SLC1A1: variants seen among roughly 807,000 people sequenced by gnomAD.
SLC1A1 encodes solute carrier family 1 member 1.
Under a neutral mutation model 53.3 loss-of-function variants are expected in SLC1A1, and 43 were observed. The observed-to-expected ratio is 0.81, with a 90% CI of 0.63 to 1.04. The LOEUF is 1.04. Among genes scored for constraint, SLC1A1 ranks in the 50% least tolerant of loss-of-function variants. The probability of loss-of-function intolerance (pLI) is 0.00; values close to 1 mark genes in which losing one functional copy is unlikely to be tolerated. For synonymous variants in SLC1A1, 307 were observed against 243.2 expected (o/e 1.26, Z -2.44); for missense variants, 748 against 664.9 (o/e 1.12, Z -1.37).
chr9:4,499,003 T>TATATTATATATATATAAGATTAC (rs1302981056), intron 1 of SLC1A1, among the ~76,000 whole-genome samples: 1 of 144,174 alleles, frequency 6.9e-6, no homozygotes, highest in African/African-American at 2.6e-5. Context: ...TATAAGATTA[T>TATATTATATATATATAAGATTAC]ATATTATATA....
intron 6 of SLC1A1, among the ~76,000 whole-genome samples, chr9:4,568,914 CAAT>C (rs1462547653): frequency 6.6e-6 from 1 of 152,072 alleles, no homozygotes; most frequent in Non-Finnish European, 1.5e-5. Context: ...ACACATACAA[CAAT>C]GTTATATATT....
intron 1 of SLC1A1, among the ~76,000 whole-genome samples, chr9:4,496,561 G>A (rs1003697954): frequency 6.6e-6 from 1 of 151,940 alleles, no homozygotes; most frequent in African/African-American, 2.4e-5. Context: ...TTTTTAAGGA[G>A]ACTTGAGTCT....
rs1053527348 is a variant in SLC1A1, at chr9:4,522,633, G to A, written c.92-21934G>A. Among the ~76,000 whole-genome samples the A allele has an allele frequency of 4.6e-5, 7 of 152,242 alleles. No individual in the cohort carries two copies. The South Asian group carries it at 6.2e-4, about 14-fold the overall frequency. On this transcript the variant is annotated intron_variant, in intron 1 of 11. Transcript: ENST00000262352. ...AGGTTTAAATAACTCAAAGTTCTGC[G>A]TGGCTGGGGAGGCCTCAGGAAACTT...
chr9:4,505,927 G>A (rs557798624), intron 1 of SLC1A1, among the ~76,000 whole-genome samples: 52 of 152,258 alleles, frequency 3.4e-4, no homozygotes, highest in African/African-American at 1.1e-3. Flanking sequence ...GAGTTCAAGC[G>A]ATTCTCCTGC....
rs547625849 is a variant in SLC1A1, at chr9:4,571,678, G to GAAAA, written c.583-523_583-520dup. Among the ~76,000 whole-genome samples, 55 of 91,570 alleles carry GAAAA rather than the reference G, an allele frequency of 6.0e-4. No homozygotes were observed. The East Asian group carries it at 6.5e-3, about 11-fold the overall frequency. The allele number at this position is 91,570 out of a possible 152,430, so 60.1% of individuals were successfully genotyped here. ...GGTAACAGAGCGAGACTCCATCTCA[G>GAAAA]AAAAAATAAATAAATAAATAAATAA... On this transcript the variant is annotated intron_variant, in intron 6 of 11. Coordinates refer to ENST00000262352, the MANE Select transcript of SLC1A1 (RefSeq NM_004170.6).
At chr9:4,532,331 T>A (rs1386626576) in intron 1 of SLC1A1, among the ~76,000 whole-genome samples, 1 of 151,814 alleles carries the variant, frequency 6.6e-6, no homozygotes, top group South Asian at 2.1e-4. Context: ...ATTAGACGAA[T>A]GGCTAACTAG....
rs1476922005 is a variant in SLC1A1, at chr9:4,585,510, A to T, written c.1527A>T (p.Ala509=). The T allele has an allele frequency of 9.3e-6, 15 of 1,614,120 alleles. No individual in the cohort carries two copies. Among genetic ancestry groups the T allele is most frequent in the Admixed American group, 1.7e-5 (1 of 60,010 alleles). Residue 509 remains alanine, a synonymous_variant, in exon 12 of 12, where the codon GCA becomes GCT. Coordinates refer to ENST00000262352, the MANE Select transcript of SLC1A1 (RefSeq NM_004170.6). Reference sequence around the variant, plus strand: ...AGTCTTATGTCAATGGAGGCTTTGCAGTAGACAAGTCTGACACCATCTCAT... The same window carrying T: ...AGTCTTATGTCAATGGAGGCTTTGCTGTAGACAAGTCTGACACCATCTCAT... The part of the protein sequence containing the change: ...TKKSYVNGGF[A]VDKSDTISFT...
At chr9:4,500,607 C>T (rs981828442) in intron 1 of SLC1A1, among the ~76,000 whole-genome samples, 3 of 152,060 alleles carry the variant, frequency 2.0e-5, no homozygotes, top group South Asian at 2.1e-4. Context: ...CACTGCACTG[C>T]GCCCAAGAAA....
intron 1 of SLC1A1, among the ~76,000 whole-genome samples, chr9:4,504,997 G>C (rs1586693744): frequency 6.6e-6 from 1 of 151,450 alleles, no homozygotes; most frequent in East Asian, 1.9e-4. Flanking sequence ...GTTTGGATTA[G>C]GTGGAGTTTC....
chr9:4,529,831 T>A (rs555630132), intron 1 of SLC1A1, among the ~76,000 whole-genome samples: 110 of 152,250 alleles, frequency 7.2e-4, no homozygotes, highest in Middle Eastern at 3.4e-3. Flanking sequence ...ATTTTTAAAA[T>A]ATATATATAC....
intron 1 of SLC1A1, among the ~76,000 whole-genome samples, chr9:4,531,546 C>T (rs1159377269): frequency 6.6e-6 from 1 of 152,146 alleles, no homozygotes; most frequent in Admixed American, 6.5e-5. Flanking sequence ...AGTAGGTAAA[C>T]AAAGCAGCCG....
At chr9:4,580,651 GTA>G in intron 10 of SLC1A1, among the ~76,000 whole-genome samples, 2 of 118,840 alleles carry the variant, frequency 1.7e-5, no homozygotes, top group South Asian at 5.6e-4. Context: ...GTGTGTGTGT[GTA>G]TAAGGAATAA....
chr9:4,561,917 T>C (rs1030556688), intron 3 of SLC1A1, among the ~76,000 whole-genome samples: 1 of 152,020 alleles, frequency 6.6e-6, no homozygotes, highest in African/African-American at 2.4e-5. Flanking sequence ...CTTTTTAAAA[T>C]ATGTATTTTT....
chr9:4,509,192 AG>A (rs1820908099), intron 1 of SLC1A1, among the ~76,000 whole-genome samples: 1 of 152,170 alleles, frequency 6.6e-6, no homozygotes, highest in African/African-American at 2.4e-5. Flanking sequence ...TAAACAAAAA[AG>A]CATGGAGCAT....
chr9:4,567,188 A>G (rs1819572009), intron 5 of SLC1A1, among the ~76,000 whole-genome samples: 1 of 152,270 alleles, frequency 6.6e-6, no homozygotes, highest in African/African-American at 2.4e-5. Context: ...CCCCAAGGGG[A>G]CTGTTGATTT....
chr9:4,554,944 A>G (rs971892723), intron 2 of SLC1A1, among the ~76,000 whole-genome samples: 3 of 152,174 alleles, frequency 2.0e-5, no homozygotes, highest in Non-Finnish European at 4.4e-5. Context: ...CTAAGAACAC[A>G]CTGTGTTCTG....
chr9:4,496,031 C>T (rs976151613), intron 1 of SLC1A1, among the ~76,000 whole-genome samples: 2 of 152,000 alleles, frequency 1.3e-5, no homozygotes, highest in Admixed American at 6.6e-5. Context: ...AGTGGAGTGT[C>T]GACTTAAGAC....
At chr9:4,496,071 G>A (rs1200221188) in intron 1 of SLC1A1, among the ~76,000 whole-genome samples, 1 of 152,074 alleles carries the variant, frequency 6.6e-6, no homozygotes, top group Non-Finnish European at 1.5e-5. Flanking sequence ...TAAGGCTTTG[G>A]GAATGAATGA....
At chr9:4,499,264 C>T (rs1160826436) in intron 1 of SLC1A1, among the ~76,000 whole-genome samples, 2 of 151,800 alleles carry the variant, frequency 1.3e-5, no homozygotes, top group Non-Finnish European at 2.9e-5. Context: ...AGGCTGGTCT[C>T]GAACTCCTGA....
Sources: gnomAD v4.1 joint callset for allele counts (sites outside exome capture counted in the v4.1 genomes callset) on GRCh38, gnomAD v4.1.1 for gene constraint, MANE v1.5 for transcripts, NCBI Gene and HGNC (gene_info 2026-07-23, HGNC 2026-07-21) for gene names.